Variants in TBC1D5 observed in about 807,000 individuals in gnomAD.
TBC1D5 encodes TBC1 domain family member 5, also known as TBC1 domain family, member 5.
Under a neutral mutation model 100.3 loss-of-function variants are expected in TBC1D5, and 75 were observed. The ratio of observed to expected loss-of-function variants is 0.75; its 90% CI spans 0.62 to 0.91. TBC1D5 has a LOEUF of 0.91. Ranked by LOEUF, TBC1D5 falls within the 40% of genes least tolerant of loss-of-function variation. TBC1D5 has a pLI of 0.00. For synonymous variants in TBC1D5, 323 were observed against 325.6 expected (o/e 0.99, Z 0.09); for missense variants, 910 against 942.4 (o/e 0.97, Z 0.45).
chr3:17,189,587 C>T lies in TBC1D5; in HGVS notation c.1753-4379G>A, dbSNP rs142382525. Among the ~76,000 whole-genome samples, 124 of 152,332 alleles carry T rather than the reference C, an allele frequency of 8.1e-4. 2 individuals are homozygous for T. In the East Asian group the frequency reaches 0.012, roughly 14 times the overall value. ...GCTGTATTAACATGTTTACTCTTCA[C>T]ACAAACTTCTGAGGTATATTCTCTC... On this transcript the variant is annotated intron_variant, in intron 18 of 21. Transcript: ENST00000253692.
chr3:17,643,091 T>C (rs2064682344), intron 1 of TBC1D5, among the ~76,000 whole-genome samples: 2 of 152,102 alleles, frequency 1.3e-5, no homozygotes, highest in African/African-American at 2.4e-5. Context: ...ACATTACCTT[T>C]AGTTGTCATG....
intron 2 of TBC1D5, among the ~76,000 whole-genome samples, chr3:17,566,237 G>A (rs1158057198): frequency 6.6e-6 from 1 of 151,882 alleles, no homozygotes; most frequent in Non-Finnish European, 1.5e-5. Flanking sequence ...GTGAACATGT[G>A]GAATTATGCA....
chr3:17,531,539 C>G (rs1460735570), intron 2 of TBC1D5, among the ~76,000 whole-genome samples: 1 of 152,110 alleles, frequency 6.6e-6, no homozygotes, highest in African/African-American at 2.4e-5. Context: ...CAATCCTAAG[C>G]CAAAAGAACG....
intron 14 of TBC1D5, among the ~76,000 whole-genome samples, chr3:17,299,200 A>C (rs1421191233): frequency 6.6e-6 from 1 of 152,176 alleles, no homozygotes; most frequent in African/African-American, 2.4e-5. Flanking sequence ...TAAGTGGCTA[A>C]ATGGGCAGGC....
At chr3:17,193,890 T>G (rs2070303032) in intron 18 of TBC1D5, among the ~76,000 whole-genome samples, 1 of 152,238 alleles carries the variant, frequency 6.6e-6, no homozygotes, top group African/African-American at 2.4e-5. Context: ...AGCCACCATT[T>G]ACAAGGAGAA....
At chr3:17,305,237 A>C (rs2083284950) in intron 14 of TBC1D5, among the ~76,000 whole-genome samples, 1 of 152,122 alleles carries the variant, frequency 6.6e-6, no homozygotes, top group Admixed American at 6.5e-5. Flanking sequence ...CTGGGGTTAC[A>C]ACACAAACTA....
At chr3:17,505,244 G>T (rs922062645) in intron 3 of TBC1D5, among the ~76,000 whole-genome samples, 2 of 152,018 alleles carry the variant, frequency 1.3e-5, no homozygotes, top group Non-Finnish European at 2.9e-5. Flanking sequence ...TTCATGAATG[G>T]TTTTGCACCA....
intron 1 of TBC1D5, among the ~76,000 whole-genome samples, chr3:17,646,335 A>C (rs908800530): frequency 2.6e-5 from 4 of 152,036 alleles, no homozygotes; most frequent in African/African-American, 9.7e-5. Flanking sequence ...TGAAACAATA[A>C]ATTTCTTTTG....
intron 2 of TBC1D5, among the ~76,000 whole-genome samples, chr3:17,617,073 G>A (rs564301256): frequency 6.6e-6 from 1 of 152,226 alleles, no homozygotes; most frequent in South Asian, 2.1e-4. Flanking sequence ...GCTCGCTCTT[G>A]TAAGGGAGGC....
intron 2 of TBC1D5, among the ~76,000 whole-genome samples, chr3:17,518,192 C>T (rs956230837): frequency 9.2e-5 from 14 of 152,064 alleles, no homozygotes; most frequent in African/African-American, 7.2e-5. Flanking sequence ...CCGACAAAAC[C>T]CCACCTTCAA....
At chr3:17,428,344 G>C (rs932059214) in intron 4 of TBC1D5, 106 bp downstream of exon 4, 3 of 342,080 alleles carry the variant, frequency 8.8e-6, no homozygotes, top group African/African-American at 6.7e-5. Context: ...TACTATTCTA[G>C]ATCAAAACCC....
At chr3:17,179,314 T>C (rs1275938723) in intron 19 of TBC1D5, among the ~76,000 whole-genome samples, 5 of 152,378 alleles carry the variant, frequency 3.3e-5, no homozygotes, top group African/African-American at 9.6e-5. Flanking sequence ...CATTTGTTAA[T>C]TGCCCTATTG....
chr3:17,241,289 G>A (rs551360257), intron 16 of TBC1D5, among the ~76,000 whole-genome samples: 5 of 152,164 alleles, frequency 3.3e-5, no homozygotes, highest in Admixed American at 1.3e-4. Context: ...GCTGTGATGT[G>A]TATGATTAAG....
intron 5 of TBC1D5, 115 bp from the exon 6 acceptor site, chr3:17,405,076 T>A: frequency 1.9e-6 from 1 of 514,528 alleles, no homozygotes. Context: ...TATTTCATAT[T>A]CATATCATCA....
intron 3 of TBC1D5, among the ~76,000 whole-genome samples, chr3:17,490,672 T>C (rs2095628921): frequency 6.6e-6 from 1 of 152,226 alleles, no homozygotes; most frequent in African/African-American, 2.4e-5. Context: ...CATTGGTCTA[T>C]GTATCTGGTT....
chr3:17,482,282 A>C (rs951790498), intron 3 of TBC1D5, among the ~76,000 whole-genome samples: 2 of 152,244 alleles, frequency 1.3e-5, no homozygotes, highest in African/African-American at 4.8e-5. Context: ...GTCATTTAAA[A>C]ATAAATAATA....
At chr3:17,286,919 A>C (rs1164705693) in intron 15 of TBC1D5, among the ~76,000 whole-genome samples, 2 of 152,212 alleles carry the variant, frequency 1.3e-5, no homozygotes, top group African/African-American at 2.4e-5. Context: ...GCTGGATAAG[A>C]CTGTCTAGGT....
At chr3:17,550,700 AAT>A (rs1435049845) in intron 2 of TBC1D5, among the ~76,000 whole-genome samples, 1 of 152,196 alleles carries the variant, frequency 6.6e-6, no homozygotes, top group Admixed American at 6.5e-5. Context: ...TTTTTAATCC[AAT>A]ATGTTATATG....
intron 2 of TBC1D5, among the ~76,000 whole-genome samples, chr3:17,577,470 C>T (rs1266794603): frequency 6.6e-6 from 1 of 151,918 alleles, no homozygotes; most frequent in Non-Finnish European, 1.5e-5. Context: ...TTCAACTCAT[C>T]TTAATCTCAA....
Sources: allele counts gnomAD v4.1 joint callset (sites outside exome capture counted in the v4.1 genomes callset), GRCh38; gene constraint gnomAD v4.1.1; transcripts MANE v1.5; gene names NCBI Gene and HGNC (gene_info 2026-07-23, HGNC 2026-07-21).